Variants in ZRANB3 observed in about 807,000 individuals in gnomAD.
ZRANB3 encodes DNA annealing helicase and endonuclease ZRANB3.
Under a neutral mutation model 133.8 loss-of-function variants are expected in ZRANB3, and 125 were observed. The ratio of observed to expected loss-of-function variants is 0.93; its 90% CI spans 0.81 to 1.08. The LOEUF (loss-of-function observed/expected upper bound fraction) is 1.08. ZRANB3 is among the 50% of genes least tolerant of loss of function. ZRANB3 has a pLI of 0.00. For missense variants in ZRANB3, 1,229 were observed against 1,275.5 expected, an observed-to-expected ratio of 0.96 and a Z score of 0.56; for synonymous variants, 387 against 432.7, an observed-to-expected ratio of 0.89 and a Z score of 1.31.
intron 2 of ZRANB3, among the ~76,000 whole-genome samples, chr2:135,479,653 G>A (rs369461960): frequency 2.8e-4 from 42 of 151,684 alleles, no homozygotes; most frequent in East Asian, 2.3e-3. Context: ...GTGACAGAGC[G>A]AGACTATCTC....
At chr2:135,268,931 G>C in intron 11 of ZRANB3, 31 bp downstream of exon 11, 3 of 1,572,430 alleles carry the variant, frequency 1.9e-6, no homozygotes, top group Non-Finnish European at 2.6e-6. Context: ...TAGTAAGTAA[G>C]CTGCTAACTT....
chr2:135,303,033 A>G (rs1307635610), intron 8 of ZRANB3, among the ~76,000 whole-genome samples: 3 of 152,218 alleles, frequency 2.0e-5, no homozygotes, highest in African/African-American at 7.2e-5. Context: ...GATGTTTAAC[A>G]AAGTTATTAT....
Position 135,230,861 on chromosome 2 carries a change from T to A in ZRANB3, c.1606A>T (p.Met536Leu), listed in dbSNP as rs1694981907. 1.3e-6 allele frequency: 2 copies of A among 1,599,668 alleles called. No individual in the cohort carries two copies. The highest frequency in any genetic ancestry group is 1.7e-6 in the Non-Finnish European group (2 of 1,175,390). ...FVPQPKKRQL[M>L]TSCDESKRFR... ...CTCTTTGATTCGTCACAGGAGGTCA[T>A]CAACTGTCTTTTTTTAGGTTGTGGT... The change falls in exon 13 of 21, where the codon ATG (methionine) becomes TTG (leucine). Residue 536 changes from methionine (M) to leucine (L), a missense_variant. By Grantham distance (15) the Met-to-Leu change is conservative (BLOSUM62 2). Coordinates refer to ENST00000264159, the MANE Select transcript of ZRANB3 (RefSeq NM_032143.4).
At position 135,200,412 on chromosome 2, in the gene ZRANB3, CTTCT is replaced by C; in HGVS notation, c.3166_3169del (p.Arg1056AlafsTer3). On this transcript the variant is annotated frameshift_variant, in exon 21 of 21. Coordinates refer to ENST00000264159, the MANE Select transcript of ZRANB3 (RefSeq NM_032143.4). LOFTEE classifies it high-confidence loss of function. ...TGCTAGAGATTGTCTTCTCACCTGG[CTTCT>C]TTCCTTAGCTTGTCTGGCAGTTCTC... 1 of 1,606,748 alleles carries C rather than the reference CTTCT, an allele frequency of 6.2e-7. No individual in the cohort carries two copies. Among genetic ancestry groups the C allele is most frequent in the Non-Finnish European group, 8.5e-7 (1 of 1,176,290 alleles).
chr2:135,494,402 C>G (rs1384377628), intron 2 of ZRANB3, among the ~76,000 whole-genome samples: 1 of 150,672 alleles, frequency 6.6e-6, no homozygotes, highest in Non-Finnish European at 1.5e-5. Context: ...AGGAAAGGAG[C>G]AGAAGGGGGG....
At chr2:135,364,806 T>C (rs1345290875) in intron 3 of ZRANB3, among the ~76,000 whole-genome samples, 1 of 151,716 alleles carries the variant, frequency 6.6e-6, no homozygotes, top group Non-Finnish European at 1.5e-5. Context: ...ATCCCATCAC[T>C]TTGGGAGGCC....
chr2:135,467,878 G>T (rs1262528922), intron 2 of ZRANB3, among the ~76,000 whole-genome samples: 1 of 152,074 alleles, frequency 6.6e-6, no homozygotes, highest in African/African-American at 2.4e-5. Context: ...CATTTATACT[G>T]GTAAGCTTAG....
intron 12 of ZRANB3, among the ~76,000 whole-genome samples, chr2:135,257,470 T>C (rs1235328026): frequency 6.6e-6 from 1 of 152,232 alleles, no homozygotes; most frequent in Non-Finnish European, 1.5e-5. Flanking sequence ...CTGGGTCATA[T>C]GGTGACTTTA....
intron 12 of ZRANB3, among the ~76,000 whole-genome samples, chr2:135,253,288 C>G (rs1296170548): frequency 6.6e-6 from 1 of 152,170 alleles, no homozygotes; most frequent in African/African-American, 2.4e-5. Flanking sequence ...AAAGGAGAGG[C>G]ATGCCTCCTG....
intron 2 of ZRANB3, among the ~76,000 whole-genome samples, chr2:135,451,401 A>G (rs1462502817): frequency 6.6e-6 from 1 of 152,054 alleles, no homozygotes; most frequent in African/African-American, 2.4e-5. Context: ...GTCTCTACTA[A>G]AAATACAAAA....
chr2:135,500,450 G>A (rs992934869), intron 2 of ZRANB3, among the ~76,000 whole-genome samples: 13 of 152,016 alleles, frequency 8.6e-5, no homozygotes, highest in African/African-American at 1.7e-4. Context: ...GAGAATGAAC[G>A]AACTACAACC....
chr2:135,266,403 A>C (rs1680250408), intron 11 of ZRANB3, among the ~76,000 whole-genome samples: 1 of 152,138 alleles, frequency 6.6e-6, no homozygotes, highest in Non-Finnish European at 1.5e-5. Flanking sequence ...TCTGTAGAGA[A>C]TCCCCCTTCC....
At position 135,262,562 on chromosome 2, in the gene ZRANB3, G is replaced by C. The variant is rs542010045; in HGVS notation, c.1539+2972C>G. 3.9e-5 allele frequency among the ~76,000 whole-genome samples: 6 copies of C among 152,196 alleles called. No individual in the cohort carries two copies. The South Asian group carries it at 1.2e-3, about 32-fold the overall frequency. On this transcript the variant is annotated intron_variant, in intron 12 of 20. Transcript: ENST00000264159. ...TTTGGGAGGCAGAGGTGGGAGGATTGCTTGAGGCCAGAAGTTTGAGACCAG... is the reference window on the plus strand; with the variant it reads ...TTTGGGAGGCAGAGGTGGGAGGATTCCTTGAGGCCAGAAGTTTGAGACCAG...
chr2:135,406,443 A>C (rs1052611299), intron 2 of ZRANB3, among the ~76,000 whole-genome samples: 1 of 152,230 alleles, frequency 6.6e-6, no homozygotes, highest in Non-Finnish European at 1.5e-5. Flanking sequence ...TCAATAGAAA[A>C]AGAGGGGATC....
At chr2:135,207,144 G>A (rs1693898983) in intron 19 of ZRANB3, among the ~76,000 whole-genome samples, 1 of 151,482 alleles carries the variant, frequency 6.6e-6, no homozygotes, top group Non-Finnish European at 1.5e-5. Context: ...CAGCCTGGGT[G>A]ACAAGGGCGA....
rs80120007 is a variant in ZRANB3 at position 135,279,765 on chromosome 2, G to A, written c.967-4010C>T. Among the ~76,000 whole-genome samples, 170 of 152,062 alleles carry A rather than the reference G, an allele frequency of 1.1e-3. 1 individual carries two copies. The East Asian group carries it at 0.021, about 19-fold the overall frequency. ...CCACTAGTGCTTCAAAAAGGTTTACGGTTACTAACATTATTATAAAGTTCA... is the reference window on the plus strand; with the variant it reads ...CCACTAGTGCTTCAAAAAGGTTTACAGTTACTAACATTATTATAAAGTTCA... On this transcript the variant is annotated intron_variant, in intron 8 of 20. Transcript: ENST00000264159.
rs369280367 is a variant in ZRANB3 at position 135,364,905 on chromosome 2, C to T, written c.181-11277G>A. Among the ~76,000 whole-genome samples, 20 of 151,974 alleles carry T rather than the reference C, an allele frequency of 1.3e-4. No individual in the cohort carries two copies. The East Asian group carries it at 3.1e-3, about 24-fold the overall frequency. On this transcript the variant is annotated intron_variant, in intron 3 of 20. Transcript: ENST00000264159. ...CTCTACTAAAAATACAAAAATTAGC[C>T]GGGCGTGGTGGCACACACCTGTAGC...
chr2:135,224,941 A>G (rs1411772106), intron 14 of ZRANB3, among the ~76,000 whole-genome samples: 2 of 152,198 alleles, frequency 1.3e-5, no homozygotes, highest in Admixed American at 6.5e-5. Context: ...GGCCACTTAA[A>G]TGCCTGATTC....
rs746040038 is a variant in ZRANB3 at position 135,340,775 on chromosome 2, G to T, written c.677+4775C>A. Among the ~76,000 whole-genome samples, 127 of 140,442 alleles carry T rather than the reference G, an allele frequency of 9.0e-4. 2 individuals carry two copies. Among genetic ancestry groups the T allele is most frequent in the Non-Finnish European group, 2.8e-4 (19 of 67,996 alleles). 92.1% of individuals were successfully genotyped at this position (140,442 alleles called of 152,430 possible). A position where few individuals can be genotyped will look rare whatever the true frequency, so the allele number is the denominator to read the frequency against. On this transcript the variant is annotated intron_variant, in intron 6 of 20. Transcript: ENST00000264159. ...GGAGGCTGAGGCAGGAGAATTGCTT[G>T]AACCTAGGAGGTGGAGGTTGCAATG...
Sources: gnomAD v4.1 joint callset for allele counts (sites outside exome capture counted in the v4.1 genomes callset) on GRCh38, gnomAD v4.1.1 for gene constraint, MANE v1.5 for transcripts, NCBI Gene and HGNC (gene_info 2026-07-23, HGNC 2026-07-21) for gene names.